The following SDC3 variants were observed in gnomAD, a reference collection of about 807,000 sequenced individuals.
SDC3 encodes the protein syndecan 3.
A neutral mutation model predicts 24.4 loss-of-function variants in SDC3; 13 were observed. That is an observed-to-expected ratio of 0.53 (90% confidence interval 0.35 to 0.85). The LOEUF is 0.85. Ranked by LOEUF, SDC3 falls within the 40% of genes least tolerant of loss-of-function variation. The pLI is 0.01. For missense variants in SDC3, 571 were observed against 584.5 expected, an observed-to-expected ratio of 0.98 and a Z score of 0.24; for synonymous variants, 295 against 260.9, an observed-to-expected ratio of 1.13 and a Z score of -1.26.
Position 30,876,733 on chromosome 1 carries a change from G to A in SDC3, c.689C>T (p.Pro230Leu), listed in dbSNP as rs751491863. The change falls in exon 3 of 5, where the codon CCC becomes CTC. Residue 230 changes from proline to leucine, a missense_variant. By Grantham distance (98) the Pro-to-Leu change is moderately conservative. Around this residue, in one of 2 missense-constraint regions of SDC3, gnomAD observed 497 missense variants for 471.6 expected, o/e 1.05. Coordinates refer to ENST00000339394, the MANE Select transcript of SDC3 (RefSeq NM_014654.4). ...ATARATTPEA[P>L]SPPTTAAVLD... The stretch of plus-strand genomic sequence containing the variant: ...GACAGCCGCCGTGGTGGGCGGGGAG[G>A]GCGCCTCGGGGGTAGTGGCCCGTGC... 1.3e-6 allele frequency: 2 copies of A among 1,590,760 alleles called. No individual in the cohort carries two copies. Among genetic ancestry groups the A allele is most frequent in the Non-Finnish European group, 1.7e-6 (2 of 1,168,074 alleles).
intron 1 of SDC3, among the ~76,000 whole-genome samples, chr1:30,901,921 AAAG>A (rs1638420537): frequency 6.6e-6 from 1 of 152,188 alleles, no homozygotes; most frequent in African/African-American, 2.4e-5. Flanking sequence ...GTCCCATTTT[AAAG>A]AAGAGGAGAC....
chr1:30,876,521 C>G, intron 3 of SDC3, 31 bp downstream of exon 3: 4 of 1,497,392 alleles, frequency 2.7e-6, no homozygotes, highest in Non-Finnish European at 3.6e-6. Context: ...CCTCCTCCGC[C>G]CTCCTCCCTG....
At chr1:30,896,706 G>A (rs114707710) in intron 1 of SDC3, among the ~76,000 whole-genome samples, 1,809 of 152,194 alleles carry the variant, frequency 0.012, 32 homozygotes, top group African/African-American at 0.039. Context: ...GGAGCATTTT[G>A]GGCTCAGCAT....
chr1:30,878,123 AG>A, intron 2 of SDC3: 1 of 153,672 alleles, frequency 6.5e-6, no homozygotes, highest in Middle Eastern at 3.3e-3. Context: ...GGATTCAGGG[AG>A]GGGGAGCACC....
intron 3 of SDC3, among the ~76,000 whole-genome samples, chr1:30,876,334 G>A (rs1354327378): frequency 6.6e-6 from 1 of 151,954 alleles, no homozygotes; most frequent in Non-Finnish European, 1.5e-5. Flanking sequence ...CCCCACCAAT[G>A]TCCCATCCCA....
At chr1:30,882,172 A>G (rs1243776529) in intron 1 of SDC3, among the ~76,000 whole-genome samples, 2 of 152,146 alleles carry the variant, frequency 1.3e-5, no homozygotes, top group Non-Finnish European at 2.9e-5. Flanking sequence ...CATGCCATTA[A>G]CAGGTCCACA....
At chr1:30,894,238 C>T (rs1056257700) in intron 1 of SDC3, among the ~76,000 whole-genome samples, 9 of 131,054 alleles carry the variant, frequency 6.9e-5, no homozygotes, top group African/African-American at 2.1e-4. Flanking sequence ...GGGACGACAG[C>T]GTGTGTGTGG....
At chr1:30,878,525 T>C (rs773577590) in intron 2 of SDC3, 98 bp downstream of exon 2, 16 of 924,208 alleles carry the variant, frequency 1.7e-5, no homozygotes, top group Non-Finnish European at 2.8e-5. Flanking sequence ...GAATGCCCCC[T>C]GCCTCACTGA....
At chr1:30,900,434 C>G (rs980170720) in intron 1 of SDC3, among the ~76,000 whole-genome samples, 9 of 152,164 alleles carry the variant, frequency 5.9e-5, no homozygotes, top group Non-Finnish European at 1.0e-4. Flanking sequence ...GGCATCCAGG[C>G]CTTGAGGAGG....
intron 1 of SDC3, among the ~76,000 whole-genome samples, chr1:30,906,295 C>A (rs1404462764): frequency 4.6e-5 from 7 of 152,132 alleles, no homozygotes; most frequent in African/African-American, 1.4e-4. Context: ...ACCACCTCAC[C>A]AGGCGCCCCA....
In SDC3 at chr1:30,871,536, T is replaced by G. The variant is rs1639536164; in HGVS notation, c.*1675A>C. 1 of 152,296 alleles carries G rather than the reference T, an allele frequency of 6.6e-6. No homozygotes were observed. Among genetic ancestry groups the G allele is most frequent in the African/African-American group, 2.4e-5 (1 of 41,454 alleles). 9.4% of individuals were successfully genotyped at this position (152,296 alleles called of 1,614,324 possible). A position where few individuals can be genotyped will look rare whatever the true frequency, so the allele number is the denominator to read the frequency against. On this transcript the variant is annotated 3_prime_UTR_variant, in exon 5 of 5. Transcript: ENST00000339394. The stretch of plus-strand genomic sequence containing the variant: ...GCCTGAGGGATCTGCAGGGGCTGCT[T>G]CCAGCCATGGCCCCTGAAGCTGCAG...
intron 1 of SDC3, among the ~76,000 whole-genome samples, chr1:30,907,335 C>T (rs937183375): frequency 4.6e-5 from 7 of 152,190 alleles, no homozygotes; most frequent in East Asian, 1.9e-4. Flanking sequence ...CCATCCCTGA[C>T]GGAGCTGGGA....
intron 1 of SDC3, among the ~76,000 whole-genome samples, chr1:30,898,359 C>T (rs955136953): frequency 1.3e-5 from 2 of 152,162 alleles, no homozygotes; most frequent in Non-Finnish European, 2.9e-5. Context: ...TCTTCAGGGT[C>T]TAAATCAACC....
chr1:30,877,805 G>A (rs1189466493), intron 2 of SDC3: 1 of 153,918 alleles, frequency 6.5e-6, no homozygotes. Flanking sequence ...AGGGAACTTT[G>A]CGAATAGAGA....
At chr1:30,898,716 C>A (rs1012674424) in intron 1 of SDC3, among the ~76,000 whole-genome samples, 1 of 152,206 alleles carries the variant, frequency 6.6e-6, no homozygotes, top group Admixed American at 6.5e-5. Context: ...CCCACTAAGC[C>A]AACTCTAGGT....
chr1:30,904,821 C>T (rs1039749847), intron 1 of SDC3, among the ~76,000 whole-genome samples: 29 of 152,196 alleles, frequency 1.9e-4, no homozygotes, highest in African/African-American at 6.0e-4. Context: ...CATGCTCCCT[C>T]CCAGAAAGGT....
rs1639562556 is a variant in SDC3 at position 30,872,806 on chromosome 1, C to G, written c.*405G>C. 3 of 206,268 alleles carry G rather than the reference C, an allele frequency of 1.5e-5. No individual in the cohort carries two copies. In the East Asian group the frequency reaches 3.6e-4, roughly 25 times the overall value. 12.8% of individuals were successfully genotyped at this position (206,268 alleles called of 1,614,324 possible). ...ACCAAATGTTTGTCCTGGAAACCAG[C>G]CTGAGTGCCTCTCTGCCCCAAAAAG... is the stretch of plus-strand genomic sequence containing the variant. On this transcript the variant is annotated 3_prime_UTR_variant, in exon 5 of 5. Coordinates refer to ENST00000339394, the MANE Select transcript of SDC3 (RefSeq NM_014654.4).
chr1:30,890,287 A>G (rs1639886278), intron 1 of SDC3, among the ~76,000 whole-genome samples: 1 of 152,248 alleles, frequency 6.6e-6, no homozygotes, highest in Admixed American at 6.5e-5. Context: ...AGCCTGGGCA[A>G]CAAGAGCAAA....
chr1:30,890,076 C>T (rs1049780286), intron 1 of SDC3, among the ~76,000 whole-genome samples: 4 of 152,098 alleles, frequency 2.6e-5, no homozygotes, highest in Admixed American at 1.3e-4. Flanking sequence ...TTTGGGAGGC[C>T]GAGGTGGGAG....
Sources: allele counts gnomAD v4.1 joint callset (sites outside exome capture counted in the v4.1 genomes callset), GRCh38; gene constraint gnomAD v4.1.1; regional missense constraint gnomAD v4.1.1; transcripts MANE v1.5; gene names NCBI Gene and HGNC (gene_info 2026-07-23, HGNC 2026-07-21).